Variants in STK32A observed in about 807,000 individuals in gnomAD.
STK32A encodes the protein serine/threonine kinase 32A, also known as serine/threonine-protein kinase 32A.
Under a neutral mutation model 53.2 loss-of-function variants are expected in STK32A, and 41 were observed. The ratio of observed to expected loss-of-function variants is 0.77; its 90% CI spans 0.60 to 1.00. STK32A has a LOEUF of 1.00. STK32A is among the 50% of genes least tolerant of loss of function. STK32A has a pLI of 0.00. For missense variants in STK32A, 458 were observed against 485.8 expected, an observed-to-expected ratio of 0.94 and a Z score of 0.54; for synonymous variants, 166 against 162.8, an observed-to-expected ratio of 1.02 and a Z score of -0.15.
chr5:147,281,732 C>T (rs957988055), intron 4 of STK32A, among the ~76,000 whole-genome samples: 3 of 152,104 alleles, frequency 2.0e-5, no homozygotes, highest in Non-Finnish European at 2.9e-5. Context: ...GAAATCTAGA[C>T]ATCCAAATAC....
intron 4 of STK32A, 104 bp downstream of exon 4, chr5:147,279,502 G>A (rs979771292): frequency 2.5e-5 from 25 of 993,526 alleles, no homozygotes; most frequent in Admixed American, 5.8e-5. Context: ...TGGTATCCAG[G>A]CTCTTGACAC....
chr5:147,334,181 C>A (rs1755006242), intron 5 of STK32A, among the ~76,000 whole-genome samples: 1 of 152,164 alleles, frequency 6.6e-6, no homozygotes, highest in African/African-American at 2.4e-5. Context: ...ATTTCTTCTG[C>A]AGTCTCCCTA....
chr5:147,260,643 C>T (rs1227465662), intron 2 of STK32A, among the ~76,000 whole-genome samples: 4 of 152,042 alleles, frequency 2.6e-5, no homozygotes, highest in Admixed American at 6.5e-5. Flanking sequence ...TTGCTGGTCC[C>T]GGGAGGTTGA....
intron 2 of STK32A, among the ~76,000 whole-genome samples, chr5:147,276,966 G>T (rs1473847314): frequency 2.6e-5 from 4 of 152,130 alleles, no homozygotes; most frequent in Non-Finnish European, 4.4e-5. Context: ...GACTAAGTGG[G>T]TTTTGTGATA....
intron 4 of STK32A, among the ~76,000 whole-genome samples, chr5:147,317,992 A>T (rs1421611716): frequency 6.6e-6 from 1 of 152,206 alleles, no homozygotes; most frequent in Non-Finnish European, 1.5e-5. Flanking sequence ...ATATAAACAT[A>T]TATAAGTAAA....
intron 6 of STK32A, among the ~76,000 whole-genome samples, chr5:147,346,415 T>G (rs1755694949): frequency 6.6e-6 from 1 of 152,204 alleles, no homozygotes; most frequent in Non-Finnish European, 1.5e-5. Flanking sequence ...GCTTACATTT[T>G]TATGCAACAC....
chr5:147,350,717 G>C (rs1755928938), intron 6 of STK32A, among the ~76,000 whole-genome samples: 1 of 152,072 alleles, frequency 6.6e-6, no homozygotes, highest in African/African-American at 2.4e-5. Flanking sequence ...TTGGAAACGT[G>C]ATACTTTGAG....
intron 4 of STK32A, among the ~76,000 whole-genome samples, chr5:147,289,300 T>C (rs879476020): frequency 2.0e-5 from 3 of 152,188 alleles, no homozygotes; most frequent in African/African-American, 4.8e-5. Flanking sequence ...ATTAAAAGCT[T>C]AAGAAGCATT....
rs187582774 is a variant in STK32A, at chr5:147,344,776, G to A, written c.472+1733G>A. Among the ~76,000 whole-genome samples the A allele has an allele frequency of 1.2e-3, 183 of 152,302 alleles. 1 individual carries two copies. Among genetic ancestry groups the A allele is most frequent in the Non-Finnish European group, 3.7e-4 (25 of 68,028 alleles). On this transcript the variant is annotated intron_variant, in intron 6 of 12. Coordinates refer to ENST00000397936, the MANE Select transcript of STK32A (RefSeq NM_001112724.2). ...AGTCCTCACTTGCTCCCTCAGCTGG[G>A]TGCCTTTGTGCATGATTTCTGCTGT...
intron 4 of STK32A, among the ~76,000 whole-genome samples, chr5:147,286,048 T>C (rs1752315673): frequency 6.6e-6 from 1 of 152,052 alleles, no homozygotes; most frequent in Admixed American, 6.6e-5. Context: ...AATGAGTGGA[T>C]AAAGAAACTG....
chr5:147,322,098 A>G lies in STK32A; in HGVS notation c.261-1800A>G, dbSNP rs145614913. ...CAGTGAATATAATTTGTGTTGCTGCAGTTGGAAGGCTTACATACCACATTG... is the reference window on the plus strand; with the variant it reads ...CAGTGAATATAATTTGTGTTGCTGCGGTTGGAAGGCTTACATACCACATTG... On this transcript the variant is annotated intron_variant, in intron 4 of 12. Coordinates refer to ENST00000397936, the MANE Select transcript of STK32A (RefSeq NM_001112724.2). 2.1e-3 allele frequency among the ~76,000 whole-genome samples: 322 copies of G among 152,304 alleles called. 1 individual carries two copies. The highest frequency in any genetic ancestry group is 7.3e-3 in the African/African-American group (303 of 41,570).
downstream of STK32A, chr5:147,390,671 C>A (rs957013198): frequency 1.3e-5 from 2 of 152,072 alleles, no homozygotes; most frequent in African/African-American, 4.8e-5. Context: ...AAATAGAAGC[C>A]CCCAATTTTT....
intron 4 of STK32A, among the ~76,000 whole-genome samples, chr5:147,316,704 A>G (rs1000537195): frequency 2.6e-5 from 4 of 152,066 alleles, no homozygotes; most frequent in African/African-American, 4.8e-5. Context: ...AAAAATTAAA[A>G]TATCAGCTGA....
In STK32A at chr5:147,343,490, G is replaced by T. The variant is rs576774997; in HGVS notation, c.472+447G>T. Among the ~76,000 whole-genome samples the T allele has an allele frequency of 7.2e-5, 11 of 152,238 alleles. 1 individual carries two copies. The South Asian group carries it at 2.3e-3, about 32-fold the overall frequency. ...TTTTTTGCATTCCTTCTTATAAAAG[G>T]CAAATTGGTTTTACATTTGCAAATT... On this transcript the variant is annotated intron_variant, in intron 6 of 12. Coordinates refer to ENST00000397936, the MANE Select transcript of STK32A (RefSeq NM_001112724.2).
chr5:147,288,458 C>G (rs149162560), intron 4 of STK32A, among the ~76,000 whole-genome samples: 156 of 152,180 alleles, frequency 1.0e-3, no homozygotes, highest in African/African-American at 3.5e-3. Flanking sequence ...TAAAGAAATA[C>G]CTGAGACTGG....
chr5:147,396,512 G>A, the STK32A span, among the ~76,000 whole-genome samples: 1 of 152,190 alleles, frequency 6.6e-6, no homozygotes, highest in African/African-American at 2.4e-5. Context: ...GCTGCCAGAG[G>A]AGCCTGACCG....
chr5:147,268,851 G>A (rs116273297), intron 2 of STK32A, among the ~76,000 whole-genome samples: 2 of 152,186 alleles, frequency 1.3e-5, no homozygotes, highest in East Asian at 3.8e-4. Flanking sequence ...GTGAGAGAGG[G>A]TCTGTGAAAA....
chr5:147,352,929 G>A (rs375184505), intron 7 of STK32A, among the ~76,000 whole-genome samples: 20 of 152,172 alleles, frequency 1.3e-4, no homozygotes, highest in African/African-American at 4.6e-4. Flanking sequence ...GGAAGGGAGG[G>A]AGGCTCCTGT....
intron 3 of STK32A, among the ~76,000 whole-genome samples, chr5:147,278,567 G>C (rs568505014): frequency 1.3e-5 from 2 of 152,074 alleles, no homozygotes; most frequent in Non-Finnish European, 2.9e-5. Context: ...GAAGTCACCC[G>C]ATTTCTATTT....
Sources: gnomAD v4.1 joint callset for allele counts (sites outside exome capture counted in the v4.1 genomes callset) on GRCh38, gnomAD v4.1.1 for gene constraint, MANE v1.5 for transcripts, NCBI Gene and HGNC (gene_info 2026-07-23, HGNC 2026-07-21) for gene names.